KCNC2: variants seen among roughly 807,000 people sequenced by gnomAD.
The protein encoded by KCNC2 is voltage-gated potassium channel KCNC2.
A neutral mutation model predicts 44.5 loss-of-function variants in KCNC2; 21 were observed. The observed-to-expected ratio is 0.47, with a 90% CI of 0.33 to 0.68. The LOEUF (loss-of-function observed/expected upper bound fraction) is 0.68, where lower values mean the gene tolerates loss of function less well. Among genes scored for constraint, KCNC2 ranks in the 30% least tolerant of loss-of-function variants. The pLI, the probability that KCNC2 is intolerant of heterozygous loss-of-function variation, is 0.01. For synonymous variants in KCNC2, 391 were observed against 339.1 expected, an observed-to-expected ratio of 1.15 and a Z score of -1.68; for missense variants, 589 against 826.2, an observed-to-expected ratio of 0.71 and a Z score of 3.52.
In KCNC2 at chr12:75,107,914, C is replaced by A. The variant is rs1886919400; in HGVS notation, c.688-56597G>T. ...GAATCCTGCATATACATCTAATTTA[C>A]TTTCAAATTCTATATTCACATTATA... On this transcript the variant is annotated intron_variant, in intron 2 of 4. Transcript: ENST00000549446. 5.3e-5 allele frequency among the ~76,000 whole-genome samples: 8 copies of A among 152,056 alleles called. No individual in the cohort carries two copies. The South Asian group carries it at 1.7e-3, about 32-fold the overall frequency.
chr12:75,096,712 C>T (rs1885954266), intron 2 of KCNC2, among the ~76,000 whole-genome samples: 2 of 151,946 alleles, frequency 1.3e-5, no homozygotes, highest in African/African-American at 2.4e-5. Context: ...TATTCTACTA[C>T]CTTCAAGCAC....
At chr12:75,180,613 T>C (rs910314584) in intron 2 of KCNC2, among the ~76,000 whole-genome samples, 1 of 151,868 alleles carries the variant, frequency 6.6e-6, no homozygotes, top group Non-Finnish European at 1.5e-5. Flanking sequence ...GGTAGATCAA[T>C]ATTTTAATAA....
Position 75,207,337 on chromosome 12 carries a change from C to T in KCNC2, c.647G>A (p.Trp216Ter). 6.4e-7 allele frequency: 1 copy of T among 1,571,134 alleles called. No individual in the cohort carries two copies. Among genetic ancestry groups the T allele is most frequent in the Admixed American group, 1.9e-5 (1 of 52,306 alleles). ...GRWRRLQPRM[W>*]ALFEDPYSSR... is the part of the protein sequence containing the mutation. ...CGAGTAGGGGTCTTCGAAGAGGGCC[C>T]ACATGCGGGGCTGCAGCCTCCTCCA... The change falls in exon 2 of 5, where the codon TGG becomes TAG. Residue 216 changes from tryptophan to a stop codon, truncating the protein, a stop_gained. Transcript: ENST00000549446. LOFTEE classifies it high-confidence loss of function. The surrounding 1 kb of genome is among the most constrained non-coding windows in gnomAD (Gnocchi z 4.1).
chr12:75,196,945 C>T (rs1056704613), intron 2 of KCNC2, among the ~76,000 whole-genome samples: 5 of 152,034 alleles, frequency 3.3e-5, no homozygotes, highest in Non-Finnish European at 7.4e-5. Context: ...TCTCTTAATT[C>T]ATTGTTGAAT....
At chr12:75,136,733 A>C (rs1460803962) in intron 2 of KCNC2, among the ~76,000 whole-genome samples, 1 of 152,144 alleles carries the variant, frequency 6.6e-6, no homozygotes, top group Non-Finnish European at 1.5e-5. Context: ...TTCACAACTG[A>C]GTTCTACCAG....
chr12:75,182,701 G>A (rs1892686701), intron 2 of KCNC2, among the ~76,000 whole-genome samples: 1 of 152,082 alleles, frequency 6.6e-6, no homozygotes, highest in Non-Finnish European at 1.5e-5. Context: ...ATGTGCATAT[G>A]TTATGTTAAC....
intron 2 of KCNC2, among the ~76,000 whole-genome samples, chr12:75,066,419 G>T (rs779349657): frequency 6.6e-6 from 1 of 152,060 alleles, no homozygotes; most frequent in Non-Finnish European, 1.5e-5. Flanking sequence ...AAGTTTCCTA[G>T]ATAATTTAAA....
At chr12:75,155,354 C>A (rs114982308) in intron 2 of KCNC2, among the ~76,000 whole-genome samples, 2,186 of 151,600 alleles carry the variant, frequency 0.014, 48 homozygotes, top group African/African-American at 0.05. Flanking sequence ...AAAGCAGAAA[C>A]AAAGAAAACT....
At chr12:75,162,334 T>C (rs561339817) in intron 2 of KCNC2, among the ~76,000 whole-genome samples, 1 of 151,892 alleles carries the variant, frequency 6.6e-6, no homozygotes, top group African/African-American at 2.4e-5. Flanking sequence ...AGGTCTGCTT[T>C]TTAAGTGTTT....
intron 2 of KCNC2, among the ~76,000 whole-genome samples, chr12:75,167,578 C>T (rs1289520238): frequency 6.6e-6 from 1 of 151,114 alleles, no homozygotes; most frequent in African/African-American, 2.4e-5. Context: ...TTTATAAAAT[C>T]CAAAAATTAA....
intron 2 of KCNC2, among the ~76,000 whole-genome samples, chr12:75,199,281 G>T (rs2031039467): frequency 1.3e-5 from 2 of 151,772 alleles, no homozygotes; most frequent in Non-Finnish European, 3.0e-5. Flanking sequence ...ACCAACCAGG[G>T]GCTTCAAACA....
chr12:75,124,607 T>C (rs763915238), intron 2 of KCNC2, among the ~76,000 whole-genome samples: 2 of 152,190 alleles, frequency 1.3e-5, no homozygotes, highest in Non-Finnish European at 2.9e-5. Flanking sequence ...GATTAAGATA[T>C]AAATTCAAGC....
intron 2 of KCNC2, among the ~76,000 whole-genome samples, chr12:75,160,655 T>C (rs1465774738): frequency 6.6e-6 from 1 of 151,842 alleles, no homozygotes; most frequent in Admixed American, 6.6e-5. Flanking sequence ...GGCGGTTTGT[T>C]TGAAAACAAT....
At chr12:75,043,380 A>T (rs1880137453) in intron 4 of KCNC2, 139 bp from the exon 5 acceptor site, 1 of 1,403,592 alleles carries the variant, frequency 7.1e-7, no homozygotes, top group Non-Finnish European at 9.3e-7. Context: ...TATTGAGACA[A>T]TTTATAACTC....
At chr12:75,134,965 A>C (rs1255836235) in intron 2 of KCNC2, among the ~76,000 whole-genome samples, 1 of 151,910 alleles carries the variant, frequency 6.6e-6, no homozygotes, top group Non-Finnish European at 1.5e-5. Flanking sequence ...AATTACACTC[A>C]CAGAAAGGAA....
intron 2 of KCNC2, among the ~76,000 whole-genome samples, chr12:75,055,936 T>C (rs949253223): frequency 1.2e-4 from 19 of 152,108 alleles, no homozygotes; most frequent in African/African-American, 4.3e-4. Context: ...ATGAGTGAAA[T>C]TGAGCTCTAT....
intron 2 of KCNC2, among the ~76,000 whole-genome samples, chr12:75,062,854 A>G (rs978158871): frequency 1.1e-4 from 17 of 152,186 alleles, no homozygotes; most frequent in African/African-American, 4.1e-4. Flanking sequence ...AGGAAATCCA[A>G]AGTGCCTCGT....
rs766027705 is a variant in KCNC2 at position 75,183,645 on chromosome 12, G to A, written c.687+23652C>T. On this transcript the variant is annotated intron_variant, in intron 2 of 4. Transcript: ENST00000549446. ...AATTTTAACATAATCATTATGACTCGTTTCAAGTCCAACTGAATGATACCT... is the reference window on the plus strand; with the variant it reads ...AATTTTAACATAATCATTATGACTCATTTCAAGTCCAACTGAATGATACCT... 8.5e-5 allele frequency among the ~76,000 whole-genome samples: 13 copies of A among 152,092 alleles called. No homozygotes were observed. In the East Asian group the frequency reaches 9.7e-4, roughly 11 times the overall value.
intron 2 of KCNC2, among the ~76,000 whole-genome samples, chr12:75,176,699 A>G (rs1340954045): frequency 2.0e-5 from 3 of 152,096 alleles, no homozygotes; most frequent in Admixed American, 1.3e-4. Context: ...GCTTAAGAAC[A>G]TATAGAATAA....
Sources: gnomAD v4.1 joint callset for allele counts (sites outside exome capture counted in the v4.1 genomes callset) on GRCh38, gnomAD v4.1.1 for gene constraint, Gnocchi (gnomAD v3.1) non-coding constraint, MANE v1.5 for transcripts, NCBI Gene and HGNC (gene_info 2026-07-23, HGNC 2026-07-21) for gene names.